FBXO25: variants seen among roughly 807,000 people sequenced by gnomAD.
FBXO25 encodes F-box only protein 25.
Under a neutral mutation model 51.9 loss-of-function variants are expected in FBXO25, and 45 were observed. That is an observed-to-expected ratio of 0.87 (90% CI 0.68 to 1.11). The LOEUF (loss-of-function observed/expected upper bound fraction) is 1.11. FBXO25 is among the 50% of genes most tolerant of loss of function. The probability of loss-of-function intolerance (pLI) is 0.00; values close to 1 mark genes in which losing one functional copy is unlikely to be tolerated. For synonymous variants in FBXO25, 199 were observed against 151.0 expected, an observed-to-expected ratio of 1.32 and a Z score of -2.33; for missense variants, 507 against 428.5, an observed-to-expected ratio of 1.18 and a Z score of -1.62.
In FBXO25 at chr8:470,611, G is replaced by C. The variant is rs949040908; in HGVS notation, c.*1807G>C. The C allele has an allele frequency of 2.6e-5, 4 of 152,178 alleles. No individual in the cohort carries two copies. The highest frequency in any genetic ancestry group is 4.4e-5 in the Non-Finnish European group (3 of 68,106). 9.4% of individuals were successfully genotyped at this position (152,178 alleles called of 1,614,324 possible). On this transcript the variant is annotated 3_prime_UTR_variant, in exon 10 of 10. Coordinates refer to ENST00000350302, the MANE Select transcript of FBXO25 (RefSeq NM_183420.2). ...GCCCAGGCTGGTCTCAGGAGTTTGA[G>C]CTCAAGCAATCCACCTGCCTCAGCT...
chr8:414,872 C>G (rs767324209), intron 2 of FBXO25, among the ~76,000 whole-genome samples: 1 of 152,186 alleles, frequency 6.6e-6, no homozygotes, highest in Non-Finnish European at 1.5e-5. Flanking sequence ...GGATCCCCCG[C>G]CCTGCTTCCT....
chr8:409,979 T>G (rs1481931558), intron 1 of FBXO25, among the ~76,000 whole-genome samples: 6 of 152,154 alleles, frequency 3.9e-5, no homozygotes, highest in Admixed American at 3.9e-4. Context: ...TTTCTCAAAC[T>G]GTGGCACACA....
intron 2 of FBXO25, among the ~76,000 whole-genome samples, chr8:424,899 C>T (rs1407883645): frequency 6.6e-6 from 1 of 151,902 alleles, no homozygotes; most frequent in Admixed American, 6.6e-5. Context: ...TTCTTAAATG[C>T]ATTTTATAAT....
chr8:434,095 C>T (rs1383753999), intron 4 of FBXO25, among the ~76,000 whole-genome samples: 2 of 152,178 alleles, frequency 1.3e-5, no homozygotes, highest in Non-Finnish European at 2.9e-5. Context: ...CCCTGGAATG[C>T]TAGGAACCAG....
At chr8:428,055 A>G (rs1358102366) in intron 2 of FBXO25, among the ~76,000 whole-genome samples, 1 of 152,356 alleles carries the variant, frequency 6.6e-6, no homozygotes, top group East Asian at 1.9e-4. Context: ...ATTGTAATTT[A>G]TAGAAATTGG....
At position 471,189 on chromosome 8, in the gene FBXO25, T is replaced by TG. The variant is rs1800473076; in HGVS notation, c.*2388dup. 1 of 152,198 alleles carries TG rather than the reference T, an allele frequency of 6.6e-6. No individual in the cohort carries two copies. Among genetic ancestry groups the TG allele is most frequent in the East Asian group, 1.9e-4 (1 of 5,186 alleles). 9.4% of individuals were successfully genotyped at this position (152,198 alleles called of 1,614,324 possible). ...CACAGCTAGCCGCATTGCCACTGCATGGGTCACAGCCTCCTGCAGGTGCGT... is the reference window on the plus strand; with the variant it reads ...CACAGCTAGCCGCATTGCCACTGCATGGGGTCACAGCCTCCTGCAGGTGCGT... On this transcript the variant is annotated 3_prime_UTR_variant, in exon 10 of 10. Transcript: ENST00000350302.
chr8:427,723 CAA>C (rs1563071580), intron 2 of FBXO25, among the ~76,000 whole-genome samples: 1 of 149,302 alleles, frequency 6.7e-6, no homozygotes, highest in Non-Finnish European at 1.5e-5. Flanking sequence ...ATTATTAAAA[CAA>C]ATCATTCACA....
intron 5 of FBXO25, among the ~76,000 whole-genome samples, chr8:447,837 G>T (rs1021575671): frequency 6.6e-6 from 1 of 152,150 alleles, no homozygotes; most frequent in African/African-American, 2.4e-5. Context: ...AAGTTCCAGA[G>T]TTTGGAGGAT....
At chr8:451,205 T>A in intron 6 of FBXO25, 64 bp from the exon 7 acceptor site, 1 of 1,429,042 alleles carries the variant, frequency 7.0e-7, no homozygotes, top group Non-Finnish European at 9.5e-7. Context: ...GTTATGAAAC[T>A]AGATCTTTTT....
intron 7 of FBXO25, among the ~76,000 whole-genome samples, chr8:457,317 G>GC (rs1448892842): frequency 6.6e-6 from 1 of 152,170 alleles, no homozygotes; most frequent in Non-Finnish European, 1.5e-5. Context: ...AACAGTTTGA[G>GC]CTCAAACCCA....
At position 474,474 on chromosome 8, in the gene FBXO25, T is replaced by A. The variant is rs1800583963; in HGVS notation, c.*5670T>A. The A allele has an allele frequency of 3.1e-6, 1 of 325,252 alleles. No individual in the cohort carries two copies. The highest frequency in any genetic ancestry group is 5.9e-6 in the Non-Finnish European group (1 of 169,002). The allele number at this position is 325,252 out of a possible 1,614,324, so 20.1% of individuals were successfully genotyped here. On this transcript the variant is annotated 3_prime_UTR_variant, in exon 10 of 10. Coordinates refer to ENST00000350302, the MANE Select transcript of FBXO25 (RefSeq NM_183420.2). ...TGTTTAATTTCTTAGGGCACTGCCA[T>A]AAGTGTTTTACACGGTGGCTGCACC...
chr8:462,808 C>T (rs1266652290), intron 8 of FBXO25, among the ~76,000 whole-genome samples, 199 bp from the exon 9 acceptor site: 1 of 152,076 alleles, frequency 6.6e-6, no homozygotes, highest in Non-Finnish European at 1.5e-5. Flanking sequence ...GCATACTTCT[C>T]CAGTGATGGG....
At chr8:433,008 G>A (rs1314450309) in intron 4 of FBXO25, 73 bp downstream of exon 4, 4 of 1,439,600 alleles carry the variant, frequency 2.8e-6, no homozygotes, top group Non-Finnish European at 3.7e-6. Flanking sequence ...TTAAATAAAT[G>A]TATTAATAAA....
Position 425,855 on chromosome 8 carries a change from T to G in FBXO25, c.135-5486T>G, listed in dbSNP as rs148498582. ...AACCACCTTGTTCTATTTTATTTGC[T>G]TTTATCCTTTTGGTATTTAGGAGGG... On this transcript the variant is annotated intron_variant, in intron 2 of 9. Coordinates refer to ENST00000350302, the MANE Select transcript of FBXO25 (RefSeq NM_183420.2). 1.5e-3 allele frequency among the ~76,000 whole-genome samples: 225 copies of G among 152,128 alleles called. 1 individual carries two copies. The highest frequency in any genetic ancestry group is 5.2e-3 in the African/African-American group (216 of 41,484).
At chr8:422,157 C>T (rs550984175) in intron 2 of FBXO25, among the ~76,000 whole-genome samples, 1 of 152,150 alleles carries the variant, frequency 6.6e-6, no homozygotes, top group Admixed American at 6.5e-5. Context: ...AAGTCTCCCC[C>T]CAAATAGCTA....
At chr8:422,475 G>T (rs1797216026) in intron 2 of FBXO25, among the ~76,000 whole-genome samples, 1 of 152,190 alleles carries the variant, frequency 6.6e-6, no homozygotes. Context: ...CCTGGACTGG[G>T]CCCAGCAGCA....
At chr8:440,553 A>G (rs1352670207) in intron 5 of FBXO25, among the ~76,000 whole-genome samples, 1 of 152,044 alleles carries the variant, frequency 6.6e-6, no homozygotes, top group African/African-American at 2.4e-5. Context: ...GATGTAAATT[A>G]AGTGACTTTC....
chr8:413,256 C>T lies in FBXO25; in HGVS notation c.134+43C>T, dbSNP rs371194282. On this transcript the variant is annotated intron_variant, in intron 2 of 9. Transcript: ENST00000350302. Reference sequence around the variant, plus strand: ...AGAACCATGCCATTTGCCAGTTTAGCATGTATGGCCTTACCTATTTTTCAA... The same window carrying T: ...AGAACCATGCCATTTGCCAGTTTAGTATGTATGGCCTTACCTATTTTTCAA... 7.4e-6 allele frequency: 11 copies of T among 1,488,348 alleles called. No individual in the cohort carries two copies. The African/African-American group carries it at 1.0e-4, about 14-fold the overall frequency. The allele number at this position is 1,488,348 out of a possible 1,614,324, so 92.2% of individuals were successfully genotyped here. A position where few individuals can be genotyped will look rare whatever the true frequency, so the allele number is the denominator to read the frequency against.
chr8:417,504 A>C (rs1409729842), intron 2 of FBXO25, among the ~76,000 whole-genome samples: 2 of 152,218 alleles, frequency 1.3e-5, no homozygotes, highest in Admixed American at 1.3e-4. Flanking sequence ...GAGGGGTGAG[A>C]CTAAGACTTT....
Sources: gnomAD v4.1 joint callset for allele counts (sites outside exome capture counted in the v4.1 genomes callset) on GRCh38, gnomAD v4.1.1 for gene constraint, MANE v1.5 for transcripts, NCBI Gene and HGNC (gene_info 2026-07-23, HGNC 2026-07-21) for gene names.